The following ASNS variants were observed in gnomAD, a reference collection of about 807,000 sequenced individuals.
ASNS encodes asparagine synthetase (glutamine-hydrolyzing), also known as asparagine synthetase [glutamine-hydrolyzing].
Under a neutral mutation model 62.6 loss-of-function variants are expected in ASNS, and 37 were observed. That is an observed-to-expected ratio of 0.59 (90% confidence interval 0.45 to 0.78). The LOEUF (loss-of-function observed/expected upper bound fraction) is 0.78, where lower values mean the gene tolerates loss of function less well. Ranked by LOEUF, ASNS falls within the 30% of genes least tolerant of loss-of-function variation. The probability of loss-of-function intolerance (pLI) is 0.00; values close to 1 mark genes in which losing one functional copy is unlikely to be tolerated. For missense variants in ASNS, 520 were observed against 682.4 expected (o/e 0.76, Z 2.65); for synonymous variants, 207 against 237.9 (o/e 0.87, Z 1.19).
the ASNS span, chr7:97,899,012 G>A: frequency 1.5e-6 from 1 of 656,058 alleles, no homozygotes; most frequent in African/African-American, 1.8e-5. Flanking sequence ...TTGAACATAG[G>A]AGGTGCTTTC....
At chr7:97,861,748 T>G (rs1435457470) in intron 4 of ASNS, among the ~76,000 whole-genome samples, 1 of 152,180 alleles carries the variant, frequency 6.6e-6, no homozygotes, top group Non-Finnish European at 1.5e-5. Flanking sequence ...TGTAAATCAG[T>G]TTAGGGAGGA....
At chr7:97,884,450 G>C in the ASNS span, among the ~76,000 whole-genome samples, 1 of 152,186 alleles carries the variant, frequency 6.6e-6, no homozygotes, top group Admixed American at 6.5e-5. Flanking sequence ...TCGGGAGACT[G>C]AGGCAGGAAA....
At chr7:97,886,787 T>C in the ASNS span, among the ~76,000 whole-genome samples, 1 of 152,236 alleles carries the variant, frequency 6.6e-6, no homozygotes, top group African/African-American at 2.4e-5. Flanking sequence ...CTTTTGGTTT[T>C]TTAATGTGAC....
At chr7:97,922,080 C>T in the ASNS span, among the ~76,000 whole-genome samples, 1 of 152,246 alleles carries the variant, frequency 6.6e-6, no homozygotes, top group South Asian at 2.1e-4. Context: ...AAAAGTTGAA[C>T]TCGGCCAGGC....
At chr7:97,872,730 GATTT>G (rs1290956146), upstream of ASNS, among the ~76,000 whole-genome samples, 1 of 152,230 alleles carries the variant, frequency 6.6e-6, no homozygotes, top group Non-Finnish European at 1.5e-5. Flanking sequence ...ACTGCCGTCT[GATTT>G]ATTATGCAGT....
chr7:97,900,359 TCAAAA>T, the ASNS span, among the ~76,000 whole-genome samples: 1 of 58,364 alleles, frequency 1.7e-5, no homozygotes, highest in South Asian at 5.3e-4. Flanking sequence ...AGACTTTGTC[TCAAAA>T]AAAAAAAAAA....
the ASNS span, among the ~76,000 whole-genome samples, chr7:97,885,285 C>T: frequency 1.3e-5 from 2 of 152,260 alleles, no homozygotes; most frequent in Non-Finnish European, 2.9e-5. Context: ...TATTTCTCCA[C>T]TCATCAGTAG....
At chr7:97,900,373 A>AC in the ASNS span, among the ~76,000 whole-genome samples, 2 of 151,056 alleles carry the variant, frequency 1.3e-5, no homozygotes, top group South Asian at 2.1e-4. Context: ...AAAAAAAAAA[A>AC]AAAAAAAAAA....
chr7:97,869,236 T>C, intron 2 of ASNS, 57 bp from the exon 3 acceptor site: 2 of 1,549,992 alleles, frequency 1.3e-6, no homozygotes, highest in Non-Finnish European at 1.7e-6. Flanking sequence ...CAACTCTGCA[T>C]TAAATCTTGA....
chr7:97,916,669 C>G, the ASNS span, among the ~76,000 whole-genome samples: 4 of 152,270 alleles, frequency 2.6e-5, no homozygotes, highest in South Asian at 8.3e-4. Context: ...GCTTCCCAAG[C>G]AGCATTCAGA....
chr7:97,916,122 C>T, the ASNS span, among the ~76,000 whole-genome samples: 4 of 152,114 alleles, frequency 2.6e-5, no homozygotes, highest in Non-Finnish European at 4.4e-5. Context: ...GTGGCTCACG[C>T]CTGTAATCCC....
At chr7:97,876,429 A>ATTTT (rs56382958), upstream of ASNS, among the ~76,000 whole-genome samples, 6 of 137,262 alleles carry the variant, frequency 4.4e-5, no homozygotes, top group East Asian at 4.3e-4. Context: ...ACTCAAACAT[A>ATTTT]TTTTTTTTTT....
chr7:97,889,927 C>CA, the ASNS span, among the ~76,000 whole-genome samples: 4,806 of 38,736 alleles, frequency 0.12, 238 homozygotes, highest in Admixed American at 0.18. Flanking sequence ...ATAATGAATA[C>CA]AAAAAAAAAA....
upstream of ASNS, among the ~76,000 whole-genome samples, chr7:97,876,994 A>C (rs1792452767): frequency 6.6e-6 from 1 of 152,198 alleles, no homozygotes; most frequent in South Asian, 2.1e-4. Flanking sequence ...CTTGTTACAA[A>C]TGGGGTTAAA....
the ASNS span, among the ~76,000 whole-genome samples, chr7:97,905,162 C>A: frequency 3.9e-5 from 6 of 152,226 alleles, no homozygotes; most frequent in African/African-American, 1.4e-4. Flanking sequence ...ACTCTAGCTA[C>A]ATCATGCAAC....
rs746591365 is a variant in ASNS at position 97,858,961 on chromosome 7, A to C, written c.674-6T>G. ...CACAGTTTCTATCTCAAAACCTATA[A>C]ACACAGCAGTAAATCAAACAGCTCC... On this transcript the variant is annotated splice_region_variant and splice_polypyrimidine_tract_variant and intron_variant, in intron 5 of 12. Transcript: ENST00000394308. 1.3e-5 allele frequency: 21 copies of C among 1,602,652 alleles called. No individual in the cohort carries two copies. The highest frequency in any genetic ancestry group is 1.0e-5 in the Non-Finnish European group (12 of 1,176,266).
the ASNS span, among the ~76,000 whole-genome samples, chr7:97,922,884 C>T: frequency 0.077 from 11,668 of 151,478 alleles, 908 homozygotes; most frequent in African/African-American, 0.2. Context: ...CTCTGTCTCC[C>T]AGGTTCAAAT....
chr7:97,911,841 A>G, the ASNS span, among the ~76,000 whole-genome samples: 1 of 152,026 alleles, frequency 6.6e-6, no homozygotes, highest in African/African-American at 2.4e-5. Flanking sequence ...GCCTTGCTTC[A>G]TGGAAGAAAG....
Position 97,856,731 on chromosome 7 carries a change from G to A in ASNS, c.989C>T (p.Ser330Phe), listed in dbSNP as rs748587228. 2 of 1,613,022 alleles carry A rather than the reference G, an allele frequency of 1.2e-6. No homozygotes were observed. The highest frequency in any genetic ancestry group is 2.2e-5 in the South Asian group (2 of 90,986). Residue 330 changes from serine to phenylalanine, a missense_variant, in exon 8 of 13, where the codon TCC becomes TTC. By Grantham distance (155) the Ser-to-Phe change is radical (BLOSUM62 -2). Coordinates refer to ENST00000394308, the MANE Select transcript of ASNS (RefSeq NM_001673.5). ...GIQALDEVIFSLETYDITTVR... is the reference protein window; with the variant it reads ...GIQALDEVIFFLETYDITTVR... Reference sequence around the variant, plus strand: ...TGTTGTAATGTCATAAGTTTCCAAGGAAAATATGACTTCATCCAGAGCCTG... The same window carrying A: ...TGTTGTAATGTCATAAGTTTCCAAGAAAAATATGACTTCATCCAGAGCCTG...
Sources: gnomAD v4.1 joint callset for allele counts (sites outside exome capture counted in the v4.1 genomes callset) on GRCh38, gnomAD v4.1.1 for gene constraint, MANE v1.5 for transcripts, NCBI Gene and HGNC (gene_info 2026-07-23, HGNC 2026-07-21) for gene names.